THADA: variants seen among roughly 807,000 people sequenced by gnomAD.
THADA encodes the protein THADA armadillo repeat containing, also known as tRNA (32-2'-O)-methyltransferase regulator THADA.
Under a neutral mutation model 219.8 loss-of-function variants are expected in THADA, and 213 were observed. The observed-to-expected ratio is 0.97, with a 90% CI of 0.87 to 1.09. THADA has a LOEUF of 1.09. THADA is among the 50% of genes least tolerant of loss of function. The probability of loss-of-function intolerance (pLI) is 0.00; values close to 1 mark genes in which losing one functional copy is unlikely to be tolerated. For synonymous variants in THADA, 1,018 were observed against 828.9 expected (o/e 1.23, Z -3.92); for missense variants, 2,956 against 2,311.3 (o/e 1.28, Z -5.72).
At chr2:43,312,208 C>CAAAAAA (rs35043804) in intron 31 of THADA, among the ~76,000 whole-genome samples, 1 of 117,876 alleles carries the variant, frequency 8.5e-6, no homozygotes, top group African/African-American at 3.0e-5. Flanking sequence ...GACAAAGCTG[C>CAAAAAA]AAAAAAAAAA....
intron 26 of THADA, among the ~76,000 whole-genome samples, chr2:43,431,647 T>A (rs868659482): frequency 9.1e-3 from 291 of 32,010 alleles, no homozygotes; most frequent in African/African-American, 0.022. Flanking sequence ...TTGTACTTTT[T>A]TTTTTTTTTT....
intron 20 of THADA, among the ~76,000 whole-genome samples, chr2:43,548,058 T>C (rs13421769): frequency 6.6e-6 from 1 of 152,146 alleles, no homozygotes; most frequent in East Asian, 1.9e-4. Flanking sequence ...GGATGTCCTT[T>C]CTGTTTGTTA....
chr2:43,513,196 G>A (rs992339786), intron 22 of THADA, among the ~76,000 whole-genome samples: 8 of 152,142 alleles, frequency 5.3e-5, no homozygotes, highest in Admixed American at 2.0e-4. Flanking sequence ...TAAAATCATC[G>A]GTTATTATGA....
intron 16 of THADA, among the ~76,000 whole-genome samples, chr2:43,556,840 G>A (rs894146464): frequency 2.0e-5 from 3 of 152,138 alleles, no homozygotes; most frequent in Non-Finnish European, 2.9e-5. Context: ...CAAGATGGGA[G>A]GATCACTTGA....
chr2:43,244,344 T>C (rs542266260), intron 36 of THADA, among the ~76,000 whole-genome samples: 1 of 152,314 alleles, frequency 6.6e-6, no homozygotes, highest in East Asian at 1.9e-4. Flanking sequence ...AAGGAATGGA[T>C]TCAAACAAAT....
chr2:43,584,925 T>C (rs1700848794), intron 7 of THADA, among the ~76,000 whole-genome samples: 3 of 152,100 alleles, frequency 2.0e-5, no homozygotes, highest in Admixed American at 1.3e-4. Context: ...AGCAACATAT[T>C]ACAAAAAGGA....
At chr2:43,399,701 C>G (rs543417812) in intron 28 of THADA, among the ~76,000 whole-genome samples, 1 of 152,254 alleles carries the variant, frequency 6.6e-6, no homozygotes, top group South Asian at 2.1e-4. Flanking sequence ...CAGTAGGTAG[C>G]TGGACAGTTC....
intron 16 of THADA, among the ~76,000 whole-genome samples, chr2:43,556,990 T>C (rs1329677374): frequency 6.6e-6 from 1 of 151,964 alleles, no homozygotes; most frequent in African/African-American, 2.4e-5. Context: ...GGCTGAGAGG[T>C]GAGGATCACT....
At chr2:43,591,468 C>T (rs1048051350) in intron 3 of THADA, among the ~76,000 whole-genome samples, 3 of 152,124 alleles carry the variant, frequency 2.0e-5, no homozygotes, top group African/African-American at 4.8e-5. Flanking sequence ...TCCAGACCCA[C>T]CTCCACAGAG....
chr2:43,345,126 C>G (rs143553205), intron 29 of THADA, among the ~76,000 whole-genome samples: 2 of 152,358 alleles, frequency 1.3e-5, no homozygotes, highest in East Asian at 3.9e-4. Flanking sequence ...TTAATAACAT[C>G]TGTTTTCTTT....
At chr2:43,581,719 G>A in intron 8 of THADA, 22 bp downstream of exon 8, 1 of 1,580,804 alleles carries the variant, frequency 6.3e-7, no homozygotes. Flanking sequence ...TATATCATTT[G>A]TATATAATTT....
chr2:43,435,129 T>C (rs373256581), intron 26 of THADA, among the ~76,000 whole-genome samples: 1 of 152,108 alleles, frequency 6.6e-6, no homozygotes, highest in African/African-American at 2.4e-5. Flanking sequence ...CAAATTAAAT[T>C]CCATTGACTT....
At chr2:43,488,111 T>TTA (rs1353083648) in intron 25 of THADA, among the ~76,000 whole-genome samples, 10 of 152,202 alleles carry the variant, frequency 6.6e-5, no homozygotes, top group Non-Finnish European at 1.5e-4. Flanking sequence ...TTCAGAATAA[T>TTA]TAGTTCATGC....
chr2:43,280,036 G>T (rs1248021995), intron 35 of THADA, 140 bp from the exon 36 acceptor site: 2 of 898,128 alleles, frequency 2.2e-6, no homozygotes, highest in Non-Finnish European at 3.1e-6. Flanking sequence ...TGTTAAGATA[G>T]AAAGAGTGTT....
Position 43,556,513 on chromosome 2 carries a change from G to A in THADA, c.2506C>T (p.Leu836Phe), listed in dbSNP as rs374408400. ...TCGTATGGTTTGGTGCTTGTGCTGA[G>A]CTCCAATGCTGCCTGAAATAAGCCT... Reference protein sequence around the residue: ...LQGLFQAALELSTSTKPYDCV... With the variant: ...LQGLFQAALEFSTSTKPYDCV... Residue 836 changes from leucine to phenylalanine, a missense_variant, in exon 17 of 38, where the codon CTC becomes TTC. Leu to Phe is a conservative substitution (Grantham distance 22). Coordinates refer to ENST00000405975, the MANE Select transcript of THADA (RefSeq NM_022065.5). 23 of 1,613,724 alleles carry A rather than the reference G, an allele frequency of 1.4e-5. No individual in the cohort carries two copies. Among genetic ancestry groups the A allele is most frequent in the Non-Finnish European group, 1.8e-5 (21 of 1,179,820 alleles).
intron 22 of THADA, among the ~76,000 whole-genome samples, chr2:43,520,166 C>A (rs1225597701): frequency 6.6e-6 from 1 of 152,180 alleles, no homozygotes; most frequent in Non-Finnish European, 1.5e-5. Context: ...TAGTCACCAA[C>A]CACAGCTATG....
intron 36 of THADA, among the ~76,000 whole-genome samples, chr2:43,245,041 C>A (rs928245919): frequency 5.9e-5 from 9 of 152,312 alleles, no homozygotes; most frequent in Admixed American, 4.6e-4. Context: ...GCAGAGTTCA[C>A]CAGCTCTGAG....
chr2:43,592,835 C>G (rs1701716484), intron 1 of THADA: 1 of 153,266 alleles, frequency 6.5e-6, no homozygotes, highest in African/African-American at 2.4e-5. Context: ...TAAAATACTT[C>G]AAACTAACCT....
At chr2:43,358,623 G>A (rs1051971915) in intron 29 of THADA, among the ~76,000 whole-genome samples, 30 of 152,208 alleles carry the variant, frequency 2.0e-4, no homozygotes, top group African/African-American at 7.2e-4. Flanking sequence ...CTTGTAAAGA[G>A]AGACTGGCTT....
Sources: gnomAD v4.1 joint callset for allele counts (sites outside exome capture counted in the v4.1 genomes callset) on GRCh38, gnomAD v4.1.1 for gene constraint, MANE v1.5 for transcripts, NCBI Gene and HGNC (gene_info 2026-07-23, HGNC 2026-07-21) for gene names.